Variants in ITPR2 observed in about 807,000 individuals in gnomAD.
ITPR2 encodes inositol 1,4,5-trisphosphate receptor type 2.
Under a neutral mutation model 317.1 loss-of-function variants are expected in ITPR2, and 207 were observed. The ratio of observed to expected loss-of-function variants is 0.65; its 90% CI spans 0.58 to 0.73. The LOEUF is 0.73. Among genes scored for constraint, ITPR2 ranks in the 30% least tolerant of loss-of-function variants. The pLI is 0.00. For missense variants in ITPR2, 2,613 were observed against 3,284.0 expected (o/e 0.80, Z 4.99); for synonymous variants, 1,156 against 1,149.1 (o/e 1.01, Z -0.12).
At chr12:26,343,437 A>G (rs1938201726) in intron 55 of ITPR2, among the ~76,000 whole-genome samples, 1 of 152,240 alleles carries the variant, frequency 6.6e-6, no homozygotes, top group Non-Finnish European at 1.5e-5. Flanking sequence ...TATTAGCTGG[A>G]GAAGATGAGA....
At chr12:26,339,530 A>C (rs1215749893) in intron 56 of ITPR2, 47 bp from the exon 57 acceptor site, 1 of 1,503,292 alleles carries the variant, frequency 6.7e-7, no homozygotes. Flanking sequence ...TCTCACTCTT[A>C]CCCAGTGCTG....
chr12:26,799,486 T>A (rs1950517188), intron 1 of ITPR2, among the ~76,000 whole-genome samples: 1 of 152,182 alleles, frequency 6.6e-6, no homozygotes, highest in Non-Finnish European at 1.5e-5. Flanking sequence ...CTTCAGAGTA[T>A]CAGTACTGGT....
chr12:26,564,815 C>A (rs1944905393), intron 34 of ITPR2, among the ~76,000 whole-genome samples: 1 of 152,222 alleles, frequency 6.6e-6, no homozygotes, highest in African/African-American at 2.4e-5. Flanking sequence ...ACCCTTGATT[C>A]CAGACTCCTA....
chr12:26,709,665 C>T (rs1948611985), intron 9 of ITPR2, among the ~76,000 whole-genome samples: 1 of 152,102 alleles, frequency 6.6e-6, no homozygotes. Context: ...AGTAGATTTG[C>T]TTGAAAAGTG....
At chr12:26,515,693 T>A (rs916913399) in intron 37 of ITPR2, among the ~76,000 whole-genome samples, 5 of 151,454 alleles carry the variant, frequency 3.3e-5, no homozygotes, top group African/African-American at 1.2e-4. Context: ...CCGAGCCGCA[T>A]CCCCAAGAAG....
chr12:26,406,254 T>A (rs1368788300), intron 52 of ITPR2, among the ~76,000 whole-genome samples: 2 of 152,086 alleles, frequency 1.3e-5, no homozygotes, highest in African/African-American at 4.8e-5. Context: ...TTTGAATTAT[T>A]CATAAATGTT....
chr12:26,786,641 A>T (rs1226787725), intron 2 of ITPR2, among the ~76,000 whole-genome samples: 2 of 152,156 alleles, frequency 1.3e-5, no homozygotes, highest in Non-Finnish European at 2.9e-5. Context: ...TCTGTTCACA[A>T]GTGAGGTAAT....
chr12:26,550,368 C>T lies in ITPR2; in HGVS notation c.4965-13G>A. The stretch of plus-strand genomic sequence containing the variant: ...ATGATTAATCAACCTTAAAGCAAAA[C>T]ATGAGACCTTTAGAAAGACAGTGAT... On this transcript the variant is annotated splice_polypyrimidine_tract_variant and intron_variant, in intron 36 of 56. Transcript: ENST00000381340. 1.9e-6 allele frequency: 2 copies of T among 1,049,096 alleles called. No homozygotes were observed. The highest frequency in any genetic ancestry group is 2.9e-6 in the Non-Finnish European group (2 of 683,846). The allele number at this position is 1,049,096 out of a possible 1,614,324, so 65.0% of individuals were successfully genotyped here.
chr12:26,636,376 C>T (rs1946866465), intron 21 of ITPR2, among the ~76,000 whole-genome samples: 1 of 152,192 alleles, frequency 6.6e-6, no homozygotes, highest in African/African-American at 2.4e-5. Flanking sequence ...CAACATAAAA[C>T]ACGAGTTCCA....
intron 1 of ITPR2, among the ~76,000 whole-genome samples, chr12:26,813,141 T>C (rs546296115): frequency 5.3e-5 from 8 of 152,236 alleles, no homozygotes; most frequent in Non-Finnish European, 1.2e-4. Flanking sequence ...TAGCATAAAA[T>C]AAATTATATT....
chr12:26,810,498 A>T (rs900333200), intron 1 of ITPR2, among the ~76,000 whole-genome samples: 2 of 152,170 alleles, frequency 1.3e-5, no homozygotes, highest in African/African-American at 4.8e-5. Flanking sequence ...TTCACACACC[A>T]ATCAAAAGCC....
At chr12:26,419,996 G>C (rs1300841838) in intron 49 of ITPR2, 1 of 151,998 alleles carries the variant, frequency 6.6e-6, no homozygotes, top group South Asian at 2.1e-4. Flanking sequence ...AAACATTTTG[G>C]AGTGTTTATT....
intron 37 of ITPR2, among the ~76,000 whole-genome samples, chr12:26,515,571 C>G (rs1272823868): frequency 6.6e-6 from 1 of 151,812 alleles, no homozygotes; most frequent in Non-Finnish European, 1.5e-5. Context: ...AAGAAAGAGA[C>G]AGATATAATC....
chr12:26,435,795 T>G (rs1034191492), intron 48 of ITPR2, among the ~76,000 whole-genome samples: 1 of 152,190 alleles, frequency 6.6e-6, no homozygotes, highest in Non-Finnish European at 1.5e-5. Context: ...TAAAAATTAT[T>G]TCTAGATTAC....
At chr12:26,829,934 C>T (rs1014987910) in intron 1 of ITPR2, among the ~76,000 whole-genome samples, 1 of 152,190 alleles carries the variant, frequency 6.6e-6, no homozygotes, top group Non-Finnish European at 1.5e-5. Context: ...GGCAGAGTCT[C>T]GCTCTGTCCC....
intron 11 of ITPR2, among the ~76,000 whole-genome samples, chr12:26,683,731 T>G (rs1948078921): frequency 6.6e-6 from 1 of 152,252 alleles, no homozygotes; most frequent in Non-Finnish European, 1.5e-5. Context: ...TTTTAAAGAT[T>G]GACTAGATAT....
intron 15 of ITPR2, among the ~76,000 whole-genome samples, chr12:26,662,995 CTT>C (rs1947537321): frequency 6.6e-6 from 1 of 152,068 alleles, no homozygotes; most frequent in Non-Finnish European, 1.5e-5. Flanking sequence ...AAAAATGAGA[CTT>C]AAGAGAAATT....
chr12:26,612,595 T>C (rs145520865), intron 26 of ITPR2, among the ~76,000 whole-genome samples: 1 of 152,304 alleles, frequency 6.6e-6, no homozygotes, highest in East Asian at 1.9e-4. Flanking sequence ...ATTAATTCAT[T>C]ATATAGGTAC....
chr12:26,633,599 A>G (rs1946799845), intron 21 of ITPR2, among the ~76,000 whole-genome samples: 3 of 152,248 alleles, frequency 2.0e-5, no homozygotes, highest in African/African-American at 7.2e-5. Flanking sequence ...CCTCTTTTCT[A>G]TCAGAATAGC....
Sources: gnomAD v4.1 joint callset for allele counts (sites outside exome capture counted in the v4.1 genomes callset) on GRCh38, gnomAD v4.1.1 for gene constraint, MANE v1.5 for transcripts, NCBI Gene and HGNC (gene_info 2026-07-23, HGNC 2026-07-21) for gene names.